Variants in GPKOW observed in about 807,000 individuals in gnomAD.
GPKOW encodes G-patch domain and KOW motifs, also known as G-patch domain and KOW motifs-containing protein.
For missense variants in GPKOW, 359 were observed against 404.7 expected (o/e 0.89, Z 0.97); for synonymous variants, 167 against 159.1 (o/e 1.05, Z -0.37).
At chrX:49,120,273 G>T (rs781968296) in intron 3 of GPKOW, among the ~76,000 whole-genome samples, 5 of 112,074 alleles carry the variant, frequency 4.5e-5, no homozygotes, top group Non-Finnish European at 7.5e-5. Context: ...GATATGAGAA[G>T]AAAGTGTCCC....
In GPKOW at chrX:49,122,528, G is replaced by A; in HGVS notation, c.332-6C>T. 5 of 1,207,509 alleles carry A rather than the reference G, an allele frequency of 4.1e-6. No individual in the cohort carries two copies. Among genetic ancestry groups the A allele is most frequent in the Non-Finnish European group, 5.6e-6 (5 of 893,422 alleles). ...TTCCAGAGACTTCTTGGATTCTAAA[G>A]GAAGAATAGGAGGGAGCAATGAAGT... On this transcript the variant is annotated splice_polypyrimidine_tract_variant and splice_region_variant and intron_variant, in intron 2 of 10. Transcript: ENST00000156109.
chrX:49,117,500 G>T, intron 5 of GPKOW, 97 bp downstream of exon 5: 1 of 645,435 alleles, frequency 1.5e-6, no homozygotes, highest in Non-Finnish European at 2.5e-6. Flanking sequence ...AGGAGTCCCA[G>T]CCTTTCTACC....
chrX:49,115,792 T>C lies in GPKOW; in HGVS notation c.1144A>G (p.Ile382Val), dbSNP rs373291886. 1 of 1,204,633 alleles carries C rather than the reference T, an allele frequency of 8.3e-7. No individual in the cohort carries two copies. The change falls in exon 9 of 11, where the codon ATA (isoleucine) becomes GTA (valine). Residue 382 changes from isoleucine (I) to valine (V), a missense_variant. Ile to Val is a conservative substitution (Grantham distance 29). Transcript: ENST00000156109. ...KGGQYYNTKM[I>V]IEDVLSPDTC... ...TCTGGGCTTAGGACATCTTCAATTATCATCTGGGGATACAGGTCAGGGGGA... is the reference window on the plus strand; with the variant it reads ...TCTGGGCTTAGGACATCTTCAATTACCATCTGGGGATACAGGTCAGGGGGA...
At chrX:49,119,579 G>C in intron 4 of GPKOW, 126 bp downstream of exon 4, 1 of 435,562 alleles carries the variant, frequency 2.3e-6, no homozygotes, top group Middle Eastern at 3.6e-4. Context: ...AGGGGCTGCT[G>C]AATTAGTTAG....
At chrX:49,115,833 A>C in intron 8 of GPKOW, 38 bp from the exon 9 acceptor site, 1 of 1,195,258 alleles carries the variant, frequency 8.4e-7, no homozygotes, top group East Asian at 3.0e-5. Context: ...GATTTTAGAG[A>C]GGTAGGGGGG....
chrX:49,115,836 T>C (rs782226391), intron 8 of GPKOW, 41 bp from the exon 9 acceptor site: 1 of 1,197,039 alleles, frequency 8.4e-7, no homozygotes, highest in African/African-American at 1.7e-5. Context: ...TTTAGAGAGG[T>C]AGGGGGGCCC....
At chrX:49,116,163 G>T in intron 7 of GPKOW, 58 bp downstream of exon 7, 1 of 1,087,282 alleles carries the variant, frequency 9.2e-7, no homozygotes, top group Non-Finnish European at 1.3e-6. Flanking sequence ...TTCCCTGGCT[G>T]CTCGAGCCTA....
At chrX:49,116,642 G>A (rs782359475) in intron 6 of GPKOW, among the ~76,000 whole-genome samples, 4 of 111,675 alleles carry the variant, frequency 3.6e-5, no homozygotes, top group East Asian at 2.8e-4. Context: ...CCGTCCTACC[G>A]AAACGCCTTC....
chrX:49,119,131 T>C (rs1332748575), intron 4 of GPKOW, among the ~76,000 whole-genome samples: 2 of 108,366 alleles, frequency 1.8e-5, no homozygotes, highest in Non-Finnish European at 3.8e-5. Flanking sequence ...TTTTGTATTT[T>C]TTTTTTTAGT....
intron 9 of GPKOW, among the ~76,000 whole-genome samples, chrX:49,114,154 T>C: frequency 9.0e-6 from 1 of 110,836 alleles, no homozygotes; most frequent in Non-Finnish European, 1.9e-5. Flanking sequence ...TGTTTTGTTT[T>C]TTGAGACTGA....
In GPKOW at chrX:49,116,006, C is replaced by G. The variant is rs782328056; in HGVS notation, c.1025G>C (p.Gly342Ala). The change falls in exon 8 of 11, where the codon GGG becomes GCG. Residue 342 changes from glycine (G) to alanine (A), a missense_variant. By Grantham distance (60) the Gly-to-Ala change is moderately conservative (BLOSUM62 0). Coordinates refer to ENST00000156109, the MANE Select transcript of GPKOW (RefSeq NM_015698.6). Reference sequence around the variant, plus strand: ...TGCTTTCTCACTCTTGGCTGCAGGCCCATCCTGTCTGTGGAGAAGGTGCCA... The same window carrying G: ...TGCTTTCTCACTCTTGGCTGCAGGCGCATCCTGTCTGTGGAGAAGGTGCCA... ...KRKHLPDRQD[G>A]PAAKSEKAAP... is the part of the protein sequence containing the mutation. 3 of 1,211,523 alleles carry G rather than the reference C, an allele frequency of 2.5e-6. No individual in the cohort carries two copies. In the Admixed American group the frequency reaches 6.5e-5, roughly 26 times the overall value.
intron 4 of GPKOW, among the ~76,000 whole-genome samples, 194 bp from the exon 5 acceptor site, chrX:49,118,004 T>C (rs782415196): frequency 2.8e-5 from 3 of 106,757 alleles, no homozygotes; most frequent in African/African-American, 1.0e-4. Context: ...CAATGCAACC[T>C]CCACCTCCCA....
intron 9 of GPKOW, among the ~76,000 whole-genome samples, 196 bp from the exon 10 acceptor site, chrX:49,114,134 C>T (rs1315376162): frequency 2.7e-5 from 3 of 110,555 alleles, no homozygotes; most frequent in Non-Finnish European, 5.7e-5. Context: ...CTCATCTCTA[C>T]AGATTTTTTT....
Position 49,114,040 on chromosome X carries a change from G to A in GPKOW, c.1211-102C>T, listed in dbSNP as rs2065181716. On this transcript the variant is annotated intron_variant, in intron 9 of 10. Transcript: ENST00000156109. ...TGGCCAGGCGTGGTGGCTCACACCTGTAGTCCCAGCACTTTGGGAGGCTAA... is the reference window on the plus strand; with the variant it reads ...TGGCCAGGCGTGGTGGCTCACACCTATAGTCCCAGCACTTTGGGAGGCTAA... 7 of 548,253 alleles carry A rather than the reference G, an allele frequency of 1.3e-5. No homozygotes were observed. The Admixed American group carries it at 1.9e-4, about 15-fold the overall frequency. The allele number at this position is 548,253 out of a possible 1,213,427, so 45.2% of individuals were successfully genotyped here.
intron 6 of GPKOW, 122 bp downstream of exon 6, chrX:49,116,908 A>G (rs1557090347): frequency 5.5e-6 from 3 of 545,592 alleles, no homozygotes; most frequent in Non-Finnish European, 9.1e-6. Context: ...ATTGGAAGTC[A>G]TATCTGCCAG....
At position 49,113,624 on chromosome X, in the gene GPKOW, G is replaced by A. The variant is rs2065179610; in HGVS notation, c.1428C>T (p.Asp476=). 1 of 1,207,589 alleles carries A rather than the reference G, an allele frequency of 8.3e-7. No individual in the cohort carries two copies. The highest frequency in any genetic ancestry group is 1.8e-5 in the African/African-American group (1 of 56,996). Residue 476 remains aspartate (D), a synonymous_variant, in exon 11 of 11, where the codon GAC becomes GAT. Transcript: ENST00000156109. The part of the protein sequence containing the change: ...QYMGPSDTDD[D] The stretch of plus-strand genomic sequence containing the variant: ...GGGATGGGAGGAGTCCCATGGGTCA[G>A]TCATCATCTGTGTCACTAGGGCCCA...
At chrX:49,116,383 A>G (rs782469117) in intron 6 of GPKOW, 60 bp from the exon 7 acceptor site, 6 of 764,020 alleles carry the variant, frequency 7.9e-6, no homozygotes, top group Non-Finnish European at 1.2e-5. Context: ...GAACCAGGAC[A>G]GAGCCTCAGT....
Position 49,113,911 on chromosome X carries a change from A to C in GPKOW, c.1238T>G (p.Leu413Arg). Residue 413 changes from leucine (L) to arginine (R), a missense_variant, in exon 10 of 11, where the codon CTG (leucine) becomes CGG (arginine). Coordinates refer to ENST00000156109, the MANE Select transcript of GPKOW (RefSeq NM_015698.6). ...EGLREDMLETLVPKAEGDRVM... is the reference protein window; with the variant it reads ...EGLREDMLETRVPKAEGDRVM... The stretch of plus-strand genomic sequence containing the variant: ...ACGGTCACCCTCTGCCTTGGGAACC[A>C]GGGTCTCCAGCATGTCTTCCCTCAG... The C allele has an allele frequency of 8.3e-7, 1 of 1,205,829 alleles. No individual in the cohort carries two copies. The highest frequency in any genetic ancestry group is 1.1e-6 in the Non-Finnish European group (1 of 890,371).
rs781929113 is a variant in GPKOW at position 49,117,630 on chromosome X, A to G, written c.747T>C (p.Val249=). The change falls in exon 5 of 11, where the codon GTT becomes GTC. Residue 249 remains valine (V), a synonymous_variant. Transcript: ENST00000156109. ...AGAGGCCTCGGTGAGGGCCAGAAAG[A>G]ACCACCACAGCTCCTCCAGGCACCA... is the stretch of plus-strand genomic sequence containing the variant. ...QGLVPGGAVV[V]LSGPHRGLYG... 2.5e-6 allele frequency: 3 copies of G among 1,210,272 alleles called. No homozygotes were observed. Among genetic ancestry groups the G allele is most frequent in the Non-Finnish European group, 3.4e-6 (3 of 894,074 alleles).
Sources: allele counts gnomAD v4.1 joint callset (sites outside exome capture counted in the v4.1 genomes callset), GRCh38; gene constraint gnomAD v4.1.1; transcripts MANE v1.5; gene names NCBI Gene and HGNC (gene_info 2026-07-23, HGNC 2026-07-21).